Variants in PNPLA1 observed in about 807,000 individuals in gnomAD.
The protein encoded by PNPLA1 is patatin like domain 1, omega-hydroxyceramide transacylase.
A neutral mutation model predicts 51.7 loss-of-function variants in PNPLA1; 36 were observed. The ratio of observed to expected loss-of-function variants is 0.70; its 90% CI spans 0.53 to 0.92. The LOEUF (loss-of-function observed/expected upper bound fraction) is 0.92. PNPLA1 is among the 40% of genes least tolerant of loss of function. The probability of loss-of-function intolerance (pLI) is 0.00; values close to 1 mark genes in which losing one functional copy is unlikely to be tolerated. For synonymous variants in PNPLA1, 293 were observed against 280.1 expected (o/e 1.05, Z -0.46); for missense variants, 658 against 682.5 (o/e 0.96, Z 0.40).
rs1771065606 is a variant in PNPLA1, at chr6:36,301,969, C to CAA, written c.885_886dup (p.Ser296LysfsTer72). 6.2e-7 allele frequency: 1 copy of CAA among 1,614,102 alleles called. No homozygotes were observed. Among genetic ancestry groups the CAA allele is most frequent in the African/African-American group, 1.3e-5 (1 of 74,926 alleles). On this transcript the variant is annotated frameshift_variant, in exon 6 of 9. Coordinates refer to ENST00000636260, the MANE Select transcript of PNPLA1 (RefSeq NM_001374623.1). LOFTEE classifies it high-confidence loss of function. ...AATGAGTGCCCTGAACGCAGTCAACCAAGCCTTCGAGCACGGCAGGCCAGT... is the reference window on the plus strand; with the variant it reads ...AATGAGTGCCCTGAACGCAGTCAACCAAAAGCCTTCGAGCACGGCAGGCCAGT...
intron 1 of PNPLA1, among the ~76,000 whole-genome samples, chr6:36,280,956 A>C (rs140228723): frequency 3.0e-4 from 45 of 152,290 alleles, no homozygotes; most frequent in Non-Finnish European, 5.1e-4. Flanking sequence ...TGTCTGGCTA[A>C]TTTTTAAAAT....
At chr6:36,257,659 G>A (rs1769559037) in intron 1 of PNPLA1, among the ~76,000 whole-genome samples, 2 of 152,142 alleles carry the variant, frequency 1.3e-5, no homozygotes, top group Admixed American at 6.5e-5. Flanking sequence ...CATTCATTAT[G>A]AGCATATTCT....
intron 1 of PNPLA1, among the ~76,000 whole-genome samples, chr6:36,285,427 T>G (rs1038780871): frequency 6.6e-6 from 1 of 152,214 alleles, no homozygotes; most frequent in Non-Finnish European, 1.5e-5. Flanking sequence ...GCAGACCTAA[T>G]TCCGGTACCC....
Position 36,253,177 on chromosome 6 carries a change from C to T in PNPLA1, c.-81+9916C>T, listed in dbSNP as rs1299750878. ...CCTAGAAGACAGAGCGAGACGCTGTCTTCATAAACAAATAAATAAAGGCAA... is the reference window on the plus strand; with the variant it reads ...CCTAGAAGACAGAGCGAGACGCTGTTTTCATAAACAAATAAATAAAGGCAA... On this transcript the variant is annotated intron_variant, in intron 1 of 7. Coordinates refer to the PNPLA1 transcript ENST00000312917. Among the ~76,000 whole-genome samples the T allele has an allele frequency of 2.6e-5, 4 of 152,078 alleles. No individual in the cohort carries two copies. In the South Asian group the frequency reaches 8.3e-4, roughly 32 times the overall value.
At position 36,262,343 on chromosome 6, in the gene PNPLA1, G is replaced by C. The variant is rs183754679; in HGVS notation, c.-81+19082G>C. ...CAAGCCTAAATCTCATCAGCCAGACGGGGCTACGCAGCACGTGTAATGAAA... is the reference window on the plus strand; with the variant it reads ...CAAGCCTAAATCTCATCAGCCAGACCGGGCTACGCAGCACGTGTAATGAAA... On this transcript the variant is annotated intron_variant, in intron 1 of 7. Transcript: ENST00000312917. Among the ~76,000 whole-genome samples the C allele has an allele frequency of 5.0e-4, 76 of 152,228 alleles. 1 individual carries two copies. The highest frequency in any genetic ancestry group is 4.1e-3 in the Admixed American group (62 of 15,302).
intron 1 of PNPLA1, among the ~76,000 whole-genome samples, chr6:36,264,312 G>A (rs1033277573): frequency 2.6e-5 from 4 of 152,198 alleles, no homozygotes; most frequent in African/African-American, 4.8e-5. Context: ...GGAAGAGAAT[G>A]ATACATGTTG....
intron 6 of PNPLA1, 137 bp downstream of exon 6, chr6:36,302,606 A>G (rs977862872): frequency 8.4e-7 from 1 of 1,196,718 alleles, no homozygotes; most frequent in Admixed American, 2.4e-5. Flanking sequence ...ATCTCTGTCC[A>G]TTATGAGGAC....
chr6:36,253,710 C>A (rs1325298362), intron 1 of PNPLA1, among the ~76,000 whole-genome samples: 1 of 152,186 alleles, frequency 6.6e-6, no homozygotes, highest in Non-Finnish European at 1.5e-5. Context: ...AACTCCTGGC[C>A]TCAAATGATC....
chr6:36,255,400 G>A (rs1274470609), intron 1 of PNPLA1, among the ~76,000 whole-genome samples: 1 of 152,244 alleles, frequency 6.6e-6, no homozygotes, highest in Non-Finnish European at 1.5e-5. Flanking sequence ...AACTACTTGG[G>A]AGGCCGAGGC....
At chr6:36,256,467 G>A (rs906552587) in intron 1 of PNPLA1, among the ~76,000 whole-genome samples, 1 of 151,620 alleles carries the variant, frequency 6.6e-6, no homozygotes, top group African/African-American at 2.4e-5. Flanking sequence ...ATTTATTTTC[G>A]AGATGGAGTT....
chr6:36,259,615 G>A (rs1769603687), intron 1 of PNPLA1, among the ~76,000 whole-genome samples: 1 of 151,824 alleles, frequency 6.6e-6, no homozygotes, highest in South Asian at 2.1e-4. Context: ...AAAAAACACT[G>A]TGAGAACCTA....
At chr6:36,284,228 C>T (rs1770406908) in intron 1 of PNPLA1, among the ~76,000 whole-genome samples, 1 of 152,206 alleles carries the variant, frequency 6.6e-6, no homozygotes, top group Non-Finnish European at 1.5e-5. Flanking sequence ...ACTTCTGTTT[C>T]CATGACAATC....
intron 1 of PNPLA1, among the ~76,000 whole-genome samples, chr6:36,250,066 G>A (rs926213917): frequency 6.6e-6 from 1 of 152,074 alleles, no homozygotes; most frequent in Non-Finnish European, 1.5e-5. Context: ...GAACGCTTTC[G>A]GTTGGCTACC....
chr6:36,243,640 A>G (rs969838500), intron 1 of PNPLA1, among the ~76,000 whole-genome samples: 1 of 152,144 alleles, frequency 6.6e-6, no homozygotes, highest in Non-Finnish European at 1.5e-5. Flanking sequence ...GGACCCTACT[A>G]CCAGAGAGCC....
intron 1 of PNPLA1, among the ~76,000 whole-genome samples, chr6:36,282,212 G>GGAAGGGAGGGAAGGAAGGAA (rs1554136650): frequency 2.7e-4 from 29 of 108,728 alleles, no homozygotes; most frequent in Non-Finnish European, 2.9e-4. Flanking sequence ...AAGGAAGGAA[G>GGAAGGGAGGGAAGGAAGGAA]GGAAGGAAGG....
intron 5 of PNPLA1, among the ~76,000 whole-genome samples, chr6:36,296,924 C>A (rs1345154480): frequency 6.6e-6 from 1 of 152,194 alleles, no homozygotes; most frequent in Non-Finnish European, 1.5e-5. Flanking sequence ...CCTGGGGCCT[C>A]AGTTTCCTCA....
intron 1 of PNPLA1, among the ~76,000 whole-genome samples, chr6:36,283,193 A>G (rs912443787): frequency 6.6e-6 from 1 of 152,176 alleles, no homozygotes; most frequent in Non-Finnish European, 1.5e-5. Context: ...GACTTATTAG[A>G]ATCTCACCAA....
upstream of PNPLA1, among the ~76,000 whole-genome samples, chr6:36,267,981 CCT>C (rs1384161789): frequency 6.6e-6 from 1 of 152,164 alleles, no homozygotes; most frequent in Non-Finnish European, 1.5e-5. Context: ...AGTCCCTGGC[CCT>C]GAGAGTCTTC....
At chr6:36,296,914 C>T (rs1225408358) in intron 5 of PNPLA1, among the ~76,000 whole-genome samples, 1 of 152,180 alleles carries the variant, frequency 6.6e-6, no homozygotes, top group African/African-American at 2.4e-5. Flanking sequence ...TAATTAATCT[C>T]CTGGGGCCTC....
Sources: gnomAD v4.1 joint callset for allele counts (sites outside exome capture counted in the v4.1 genomes callset) on GRCh38, gnomAD v4.1.1 for gene constraint, MANE v1.5 for transcripts, NCBI Gene and HGNC (gene_info 2026-07-23, HGNC 2026-07-21) for gene names.